The following ZNF462 variants were observed in gnomAD, a reference collection of about 807,000 sequenced individuals.
ZNF462 encodes zinc finger protein 462.
A neutral mutation model predicts 201.9 loss-of-function variants in ZNF462; 10 were observed. The ratio of observed to expected loss-of-function variants is 0.05; its 90% CI spans 0.03 to 0.08. The LOEUF (loss-of-function observed/expected upper bound fraction) is 0.08, where lower values mean the gene tolerates loss of function less well. Among genes scored for constraint, ZNF462 ranks in the 10% least tolerant of loss-of-function variants. ZNF462 has a pLI of 1.00. For synonymous variants in ZNF462, 1,227 were observed against 1,193.3 expected (o/e 1.03, Z -0.58); for missense variants, 2,523 against 3,168.3 (o/e 0.80, Z 4.89).
Position 106,919,167 on chromosome 9 carries a change from A to AT in ZNF462, c.-30-4183dup, listed in dbSNP as rs1829891985. 6.6e-6 allele frequency among the ~76,000 whole-genome samples: 1 copy of AT among 152,204 alleles called. No homozygotes were observed. Among genetic ancestry groups the AT allele is most frequent in the Non-Finnish European group, 1.5e-5 (1 of 68,040 alleles). Reference sequence around the variant, plus strand: ...TGATCACTTCCTGAAGAGAGCTGGGATTTTGACTTGAGGACCACATTTATG... The same window carrying AT: ...TGATCACTTCCTGAAGAGAGCTGGGATTTTTGACTTGAGGACCACATTTATG... On this transcript the variant is annotated intron_variant, in intron 1 of 12. Coordinates refer to ENST00000277225, the MANE Select transcript of ZNF462 (RefSeq NM_021224.6). The surrounding 1 kb of genome is among the most constrained non-coding windows in gnomAD (Gnocchi z 4.5).
chr9:106,970,269 G>T lies in ZNF462; in HGVS notation c.6428-1736G>T, dbSNP rs1057385054. The stretch of plus-strand genomic sequence containing the variant: ...TCAGGTTTCCTTTTGTTTTATTTTT[G>T]TGTGTGTGGCAGGTTTGTTTACAAT... On this transcript the variant is annotated intron_variant, in intron 7 of 12. Transcript: ENST00000277225. This position sits in a 1 kb window ranked among gnomAD's most constrained non-coding sequence, Gnocchi z 4.2. Among the ~76,000 whole-genome samples the T allele has an allele frequency of 6.6e-6, 1 of 152,086 alleles. No homozygotes were observed. The highest frequency in any genetic ancestry group is 2.4e-5 in the African/African-American group (1 of 41,426).
At chr9:106,931,228 C>T (rs1035088999) in intron 4 of ZNF462, among the ~76,000 whole-genome samples, 4 of 152,266 alleles carry the variant, frequency 2.6e-5, no homozygotes, top group Non-Finnish European at 5.9e-5. Flanking sequence ...GGTTTGTCTC[C>T]TCCATCCCCT....
In ZNF462 at chr9:106,954,597, T is replaced by G. The variant is rs1230405406; in HGVS notation, c.6427+15490T>G. Among the ~76,000 whole-genome samples the G allele has an allele frequency of 6.6e-6, 1 of 152,156 alleles. No homozygotes were observed. Among genetic ancestry groups the G allele is most frequent in the African/African-American group, 2.4e-5 (1 of 41,442 alleles). On this transcript the variant is annotated intron_variant, in intron 7 of 12. Transcript: ENST00000277225. The surrounding 1 kb of genome is among the most constrained non-coding windows in gnomAD (Gnocchi z 4.0). ...CATCAGCTGCCTCATTCTCCCTATA[T>G]TCTAGCCTAACTGGAATGAGCATCT...
chr9:106,950,890 G>A lies in ZNF462; in HGVS notation c.6427+11783G>A, dbSNP rs192998463. Reference sequence around the variant, plus strand: ...GGATTGCCTGAAGTCAGGAGTTCAAGACCAGCCTGGCCAACATAGTGAAAC... The same window carrying A: ...GGATTGCCTGAAGTCAGGAGTTCAAAACCAGCCTGGCCAACATAGTGAAAC... On this transcript the variant is annotated intron_variant, in intron 7 of 12. Coordinates refer to ENST00000277225, the MANE Select transcript of ZNF462 (RefSeq NM_021224.6). This position sits in a 1 kb window ranked among gnomAD's most constrained non-coding sequence, Gnocchi z 4.1. 9.9e-4 allele frequency among the ~76,000 whole-genome samples: 150 copies of A among 152,242 alleles called. 1 individual carries two copies. The highest frequency in any genetic ancestry group is 3.3e-3 in the African/African-American group (137 of 41,554).
At chr9:106,873,518 A>G (rs975985310) in intron 1 of ZNF462, among the ~76,000 whole-genome samples, 1 of 152,118 alleles carries the variant, frequency 6.6e-6, no homozygotes, top group South Asian at 2.1e-4. Context: ...AGCCTGAGAA[A>G]TGTTCTCAAA....
chr9:106,977,963 C>T lies in ZNF462; in HGVS notation c.6832+3690C>T, dbSNP rs1304398754. Among the ~76,000 whole-genome samples, 2 of 151,546 alleles carry T rather than the reference C, an allele frequency of 1.3e-5. No individual in the cohort carries two copies. Among genetic ancestry groups the T allele is most frequent in the Non-Finnish European group, 2.9e-5 (2 of 68,034 alleles). ...GCACAAGAGAAGGATCCTTATTTGC[C>T]TCTTCCTAGCTTCTGACAGCTCCCA... On this transcript the variant is annotated intron_variant, in intron 9 of 12. Transcript: ENST00000277225. This position sits in a 1 kb window ranked among gnomAD's most constrained non-coding sequence, Gnocchi z 4.6.
At chr9:106,899,893 T>C (rs1564085019) in intron 1 of ZNF462, among the ~76,000 whole-genome samples, 1 of 152,128 alleles carries the variant, frequency 6.6e-6, no homozygotes, top group Non-Finnish European at 1.5e-5. Flanking sequence ...GGCATTTGGT[T>C]ACATGAGTAA....
chr9:106,937,514 T>A (rs1406089458), intron 6 of ZNF462, among the ~76,000 whole-genome samples: 2 of 152,210 alleles, frequency 1.3e-5, no homozygotes, highest in Admixed American at 6.5e-5. Flanking sequence ...CTTCTCTGAG[T>A]TTTAAATGTC....
chr9:106,923,343 T>G lies in ZNF462; in HGVS notation c.-30-11T>G. ...ATTCCTTAAGATGTTTTGTTCTGAC[T>G]TCTGCCACAGGTTCCTAATGTGAGA... On this transcript the variant is annotated splice_polypyrimidine_tract_variant and intron_variant, in intron 1 of 12. Transcript: ENST00000277225. This position sits in a 1 kb window ranked among gnomAD's most constrained non-coding sequence, Gnocchi z 5.6. 6.2e-7 allele frequency: 1 copy of G among 1,603,022 alleles called. No homozygotes were observed. The highest frequency in any genetic ancestry group is 8.5e-7 in the Non-Finnish European group (1 of 1,170,752).
intron 1 of ZNF462, among the ~76,000 whole-genome samples, chr9:106,874,856 T>C (rs1452186563): frequency 6.6e-6 from 1 of 152,208 alleles, no homozygotes; most frequent in African/African-American, 2.4e-5. Context: ...ACCTCACCCA[T>C]TCTTTTCTGA....
Position 106,993,891 on chromosome 9 carries a change from T to G in ZNF462, c.7057-9403T>G, listed in dbSNP as rs1828487434. ...TCCCAAAGTACAGGAATTGCAGGTG[T>G]GAGCCACTGTGCCCAGCCTAAGACA... On this transcript the variant is annotated intron_variant, in intron 10 of 12. Transcript: ENST00000277225. This position sits in a 1 kb window ranked among gnomAD's most constrained non-coding sequence, Gnocchi z 4.0. 6.6e-6 allele frequency among the ~76,000 whole-genome samples: 1 copy of G among 152,076 alleles called. No individual in the cohort carries two copies. Among genetic ancestry groups the G allele is most frequent in the South Asian group, 2.1e-4 (1 of 4,820 alleles).
intron 1 of ZNF462, among the ~76,000 whole-genome samples, chr9:106,879,340 C>CCG (rs1827987757): frequency 9.0e-6 from 1 of 111,416 alleles, no homozygotes; most frequent in Non-Finnish European, 1.8e-5. Flanking sequence ...CCACCCCCCC[C>CCG]CCCACCCCCC....
chr9:107,003,166 C>T lies in ZNF462; in HGVS notation c.7057-128C>T, dbSNP rs1001231954. ...ACGAAGAAAAAGACCTCTTAGGCCC[C>T]GGAGTTGTTTGGTCCTGGTTGCAAA... On this transcript the variant is annotated intron_variant, in intron 10 of 12. Transcript: ENST00000277225. The surrounding 1 kb of genome is among the most constrained non-coding windows in gnomAD (Gnocchi z 4.4). 178 of 1,247,416 alleles carry T rather than the reference C, an allele frequency of 1.4e-4. 1 individual carries two copies. In the Admixed American group the frequency reaches 3.4e-3, roughly 24 times the overall value. 77.3% of individuals were successfully genotyped at this position (1,247,416 alleles called of 1,614,324 possible).
rs749066793 is a variant in ZNF462 at position 106,923,433 on chromosome 9, A to C, written c.50A>C (p.Glu17Ala). The C allele has an allele frequency of 6.2e-7, 1 of 1,614,196 alleles. No individual in the cohort carries two copies. Among genetic ancestry groups the C allele is most frequent in the Non-Finnish European group, 8.5e-7 (1 of 1,180,040 alleles). ...DGCDFRAPSY[E>A]DLKAHIQDVH... is the part of the protein sequence containing the mutation. ...TGTGATTTCCGAGCCCCGTCTTATG[A>C]AGATCTCAAGGCACACATTCAGGAT... The change falls in exon 2 of 13, where the codon GAA becomes GCA. Residue 17 changes from glutamate (E) to alanine (A), a missense_variant. Glu to Ala is a moderately radical substitution (Grantham distance 107). Around this residue, in one of 15 missense-constraint regions of ZNF462, gnomAD observed 480 missense variants for 544.4 expected, o/e 0.88. Transcript: ENST00000277225. This position sits in a 1 kb window ranked among gnomAD's most constrained non-coding sequence, Gnocchi z 5.6.
intron 7 of ZNF462, among the ~76,000 whole-genome samples, chr9:106,957,748 A>G (rs1273918868): frequency 6.6e-6 from 1 of 152,200 alleles, no homozygotes; most frequent in African/African-American, 2.4e-5. Flanking sequence ...GTTAAAACTA[A>G]GAGTAAAATG....
Position 106,886,993 on chromosome 9 carries a change from G to C in ZNF462, c.-31+23638G>C, listed in dbSNP as rs1441521605. ...TACAATTATGTGACTTAAAATTACA[G>C]CCTTACTCTTTACCAAAACACTTTC... is the stretch of plus-strand genomic sequence containing the variant. On this transcript the variant is annotated intron_variant, in intron 1 of 12. Coordinates refer to ENST00000277225, the MANE Select transcript of ZNF462 (RefSeq NM_021224.6). The surrounding 1 kb of genome is among the most constrained non-coding windows in gnomAD (Gnocchi z 4.6). 6.6e-6 allele frequency among the ~76,000 whole-genome samples: 1 copy of C among 152,092 alleles called. No homozygotes were observed.
intron 9 of ZNF462, among the ~76,000 whole-genome samples, chr9:106,980,147 C>T (rs981949292): frequency 2.6e-5 from 4 of 152,150 alleles, no homozygotes; most frequent in Admixed American, 2.6e-4. Context: ...TTCCTTCTAG[C>T]TTGAGGATGG....
intron 1 of ZNF462, among the ~76,000 whole-genome samples, chr9:106,867,377 T>C (rs1290728829): frequency 6.6e-6 from 1 of 152,216 alleles, no homozygotes; most frequent in Non-Finnish European, 1.5e-5. Flanking sequence ...TTGCCATGGC[T>C]CTAATATATC....
At chr9:106,887,682 CTCCTT>C (rs1828382001) in intron 1 of ZNF462, among the ~76,000 whole-genome samples, 1 of 152,172 alleles carries the variant, frequency 6.6e-6, no homozygotes. Context: ...TTTCCTTTCT[CTCCTT>C]TACTTTAATG....
Sources: allele counts gnomAD v4.1 joint callset (sites outside exome capture counted in the v4.1 genomes callset), GRCh38; gene constraint gnomAD v4.1.1; regional missense constraint gnomAD v4.1.1; non-coding constraint Gnocchi (gnomAD v3.1); transcripts MANE v1.5; gene names NCBI Gene and HGNC (gene_info 2026-07-23, HGNC 2026-07-21).